The following GALNT18 variants were observed in gnomAD, a reference collection of about 807,000 sequenced individuals.
GALNT18 encodes the protein polypeptide N-acetylgalactosaminyltransferase 18, also known as GalNAc-transferase 18.
A neutral mutation model predicts 69.5 loss-of-function variants in GALNT18; 44 were observed. The ratio of observed to expected loss-of-function variants is 0.63; its 90% CI spans 0.50 to 0.81. GALNT18 has a LOEUF of 0.81. Among genes scored for constraint, GALNT18 ranks in the 40% least tolerant of loss-of-function variants. The probability of loss-of-function intolerance (pLI) is 0.00; values close to 1 mark genes in which losing one functional copy is unlikely to be tolerated. For synonymous variants in GALNT18, 364 were observed against 318.2 expected (o/e 1.14, Z -1.53); for missense variants, 715 against 810.0 (o/e 0.88, Z 1.42).
At chr11:11,422,360 T>C (rs879576575) in intron 3 of GALNT18, among the ~76,000 whole-genome samples, 10 of 152,230 alleles carry the variant, frequency 6.6e-5, no homozygotes, top group Non-Finnish European at 1.2e-4. Flanking sequence ...CAGGTGGTAC[T>C]GGGTGGTGTG....
Position 11,500,194 on chromosome 11 carries a change from G to T in GALNT18, c.236-51258C>A, listed in dbSNP as rs1417900946. Among the ~76,000 whole-genome samples, 2 of 152,148 alleles carry T rather than the reference G, an allele frequency of 1.3e-5. No homozygotes were observed. The highest frequency in any genetic ancestry group is 2.9e-5 in the Non-Finnish European group (2 of 68,036). ...GTGATAAGGAAATAGGAGCCTATAG[G>T]GAGAAAGTCACAGCACAGGGTTCTA... is the stretch of plus-strand genomic sequence containing the variant. On this transcript the variant is annotated intron_variant, in intron 1 of 10. Coordinates refer to ENST00000227756, the MANE Select transcript of GALNT18 (RefSeq NM_198516.3). The surrounding 1 kb of genome is among the most constrained non-coding windows in gnomAD (Gnocchi z 5.0).
Position 11,598,340 on chromosome 11 carries a change from C to A in GALNT18, c.235+23019G>T, listed in dbSNP as rs1342743896. On this transcript the variant is annotated intron_variant, in intron 1 of 10. Coordinates refer to ENST00000227756, the MANE Select transcript of GALNT18 (RefSeq NM_198516.3). This position sits in a 1 kb window ranked among gnomAD's most constrained non-coding sequence, Gnocchi z 4.8. The stretch of plus-strand genomic sequence containing the variant: ...AGTCCAAAATTAGTCTTACTCGAGG[C>A]AAAATCAAGGTGTCAGCAGGGCTAT... Among the ~76,000 whole-genome samples, 1 of 152,138 alleles carries A rather than the reference C, an allele frequency of 6.6e-6. No homozygotes were observed. The highest frequency in any genetic ancestry group is 1.5e-5 in the Non-Finnish European group (1 of 68,022).
intron 3 of GALNT18, among the ~76,000 whole-genome samples, chr11:11,418,716 G>A (rs568495396): frequency 1.4e-4 from 21 of 152,322 alleles, no homozygotes; most frequent in African/African-American, 2.2e-4. Context: ...TGTGCTGAGC[G>A]TGATGGCTGA....
chr11:11,443,581 G>A (rs1855579384), intron 2 of GALNT18, among the ~76,000 whole-genome samples: 1 of 151,914 alleles, frequency 6.6e-6, no homozygotes, highest in Non-Finnish European at 1.5e-5. Flanking sequence ...CACACAGAGA[G>A]AGCCATAGGA....
chr11:11,506,719 T>C (rs1307926312), intron 1 of GALNT18, among the ~76,000 whole-genome samples: 2 of 152,230 alleles, frequency 1.3e-5, no homozygotes, highest in Non-Finnish European at 2.9e-5. Context: ...CTGAAGACTA[T>C]GCTGCTTCCA....
chr11:11,462,513 G>C (rs192102846), intron 1 of GALNT18, among the ~76,000 whole-genome samples: 3 of 151,500 alleles, frequency 2.0e-5, no homozygotes, highest in Non-Finnish European at 4.4e-5. Context: ...GGCTGGTCTC[G>C]AACTCTTAAC....
chr11:11,273,429 A>C (rs1848868461), intron 10 of GALNT18, among the ~76,000 whole-genome samples: 2 of 152,242 alleles, frequency 1.3e-5, no homozygotes, highest in South Asian at 4.1e-4. Context: ...ATAAATGGCA[A>C]ACAGGTTATG....
intron 9 of GALNT18, 136 bp from the exon 10 acceptor site, chr11:11,293,329 C>A (rs1173996080): frequency 5.6e-6 from 3 of 538,102 alleles, no homozygotes; most frequent in Non-Finnish European, 8.5e-6. Flanking sequence ...CATCCAGTGG[C>A]CTTCAGATTA....
At position 11,502,485 on chromosome 11, in the gene GALNT18, C is replaced by A. The variant is rs564020900; in HGVS notation, c.236-53549G>T. On this transcript the variant is annotated intron_variant, in intron 1 of 10. Transcript: ENST00000227756. ...CGCAAAGGAAAACAGGTAGAGAGAG[C>A]CAGGAAGCAAACAGAGAAGGAAAGT... Among the ~76,000 whole-genome samples the A allele has an allele frequency of 1.7e-3, 260 of 152,288 alleles. 1 individual carries two copies. In the Middle Eastern group the frequency reaches 0.027, roughly 16 times the overall value.
At chr11:11,608,261 G>A (rs1390234774) in intron 1 of GALNT18, among the ~76,000 whole-genome samples, 1 of 152,194 alleles carries the variant, frequency 6.6e-6, no homozygotes, top group African/African-American at 2.4e-5. Flanking sequence ...CAACAAGGAT[G>A]AAGGAAAGAG....
At chr11:11,423,079 C>CT (rs1315536893) in intron 3 of GALNT18, among the ~76,000 whole-genome samples, 1 of 152,144 alleles carries the variant, frequency 6.6e-6, no homozygotes, top group Non-Finnish European at 1.5e-5. Context: ...AGTGCGCACA[C>CT]ACAGGTCCGC....
chr11:11,289,931 C>G (rs886240381), intron 10 of GALNT18, among the ~76,000 whole-genome samples: 3 of 151,992 alleles, frequency 2.0e-5, no homozygotes, highest in Middle Eastern at 3.4e-3. Flanking sequence ...GGCTGAGGCT[C>G]ACAGGCAGAG....
At chr11:11,375,564 G>A (rs1487675202) in intron 5 of GALNT18, among the ~76,000 whole-genome samples, 1 of 152,224 alleles carries the variant, frequency 6.6e-6, no homozygotes, top group African/African-American at 2.4e-5. Context: ...AATAAGAGGG[G>A]TGAAAACTAG....
chr11:11,611,110 A>G (rs1453520431), intron 1 of GALNT18, among the ~76,000 whole-genome samples: 1 of 152,242 alleles, frequency 6.6e-6, no homozygotes, highest in African/African-American at 2.4e-5. Context: ...GATTAGTTCA[A>G]TAAAGGAATA....
At chr11:11,577,264 C>T (rs1164733670) in intron 1 of GALNT18, among the ~76,000 whole-genome samples, 1 of 152,188 alleles carries the variant, frequency 6.6e-6, no homozygotes, top group Non-Finnish European at 1.5e-5. Context: ...ACCCACCAGA[C>T]CCTGGTGGAC....
At chr11:11,400,877 G>A (rs1854447373) in intron 3 of GALNT18, among the ~76,000 whole-genome samples, 1 of 151,972 alleles carries the variant, frequency 6.6e-6, no homozygotes, top group Non-Finnish European at 1.5e-5. Context: ...TTGGGACCGT[G>A]CCATGAGTAT....
intron 6 of GALNT18, among the ~76,000 whole-genome samples, chr11:11,371,659 C>T (rs927097912): frequency 1.3e-5 from 2 of 152,032 alleles, no homozygotes; most frequent in Non-Finnish European, 2.9e-5. Context: ...CATCCTGCAG[C>T]TCTAATACTG....
At chr11:11,408,354 G>A (rs1446123017) in intron 3 of GALNT18, among the ~76,000 whole-genome samples, 1 of 101,880 alleles carries the variant, frequency 9.8e-6, no homozygotes, top group African/African-American at 4.0e-5. Context: ...GACAGAGCAA[G>A]ACTTCATCTC....
At chr11:11,308,930 C>T (rs1849625053) in intron 9 of GALNT18, among the ~76,000 whole-genome samples, 1 of 152,198 alleles carries the variant, frequency 6.6e-6, no homozygotes, top group African/African-American at 2.4e-5. Flanking sequence ...GTGCCCCAAA[C>T]TACTTTACCT....
Sources: allele counts gnomAD v4.1 joint callset (sites outside exome capture counted in the v4.1 genomes callset), GRCh38; gene constraint gnomAD v4.1.1; non-coding constraint Gnocchi (gnomAD v3.1); transcripts MANE v1.5; gene names NCBI Gene and HGNC (gene_info 2026-07-23, HGNC 2026-07-21).